WBP11: variants seen among roughly 807,000 people sequenced by gnomAD.
WBP11 encodes WW domain binding protein 11, also known as WW domain-binding protein 11.
WBP11 carries 12 observed loss-of-function variants against 66.7 expected under a neutral mutation model. The ratio of observed to expected loss-of-function variants is 0.18; its 90% CI spans 0.12 to 0.29. The LOEUF (loss-of-function observed/expected upper bound fraction) is 0.29, where lower values mean the gene tolerates loss of function less well. Ranked by LOEUF, WBP11 falls within the 10% of genes least tolerant of loss-of-function variation. The pLI, the probability that WBP11 is intolerant of heterozygous loss-of-function variation, is 1.00. For synonymous variants in WBP11, 255 were observed against 273.8 expected (o/e 0.93, Z 0.68); for missense variants, 555 against 818.3 (o/e 0.68, Z 3.93).
At chr12:14,787,583 A>G (rs1034812486) in intron 11 of WBP11, 85 bp from the exon 12 acceptor site, 2 of 1,226,666 alleles carry the variant, frequency 1.6e-6, no homozygotes, top group Admixed American at 6.5e-5. Flanking sequence ...ATTGGTTGCC[A>G]ATTTTTAAAT....
intron 6 of WBP11, 102 bp from the exon 7 acceptor site, chr12:14,794,838 AT>A: frequency 6.5e-7 from 1 of 1,548,264 alleles, no homozygotes; most frequent in Non-Finnish European, 8.7e-7. Flanking sequence ...GGGATTTCTT[AT>A]TTTACATTTA....
Position 14,787,377 on chromosome 12 carries a change from G to A in WBP11, c.1614C>T (p.Pro538=). 1.2e-6 allele frequency: 2 copies of A among 1,602,172 alleles called. No individual in the cohort carries two copies. The highest frequency in any genetic ancestry group is 1.7e-6 in the Non-Finnish European group (2 of 1,171,920). ...CCGCCTTGGGTCGCTGAATCAAGTT[G>A]GGTGGGGCACTTAAAACCCCAGGGT... The part of the protein sequence containing the change: ...LPNPGVLSAP[P]NLIQRPKADD... Residue 538 remains proline (P), a synonymous_variant, in exon 12 of 12, where the codon CCC becomes CCT. Coordinates refer to ENST00000261167, the MANE Select transcript of WBP11 (RefSeq NM_016312.3).
At position 14,787,212 on chromosome 12, in the gene WBP11, A is replaced by G; in HGVS notation, c.1779T>C (p.Thr593=). 6.2e-7 allele frequency: 1 copy of G among 1,614,166 alleles called. No individual in the cohort carries two copies. Among genetic ancestry groups the G allele is most frequent in the Non-Finnish European group, 8.5e-7 (1 of 1,180,038 alleles). Residue 593 remains threonine (T), a synonymous_variant, in exon 12 of 12, where the codon ACT becomes ACC. Coordinates refer to ENST00000261167, the MANE Select transcript of WBP11 (RefSeq NM_016312.3). ...CCTCTGACTTTCTTTGGGGAGCAGC[A>G]GTAGCCCCTTTATTCTCCCGACGTA... ...LRVRRENKGA[T]AAPQRKSEDD...
chr12:14,792,892 CAA>C (rs1273145309), intron 8 of WBP11, among the ~76,000 whole-genome samples: 1 of 150,890 alleles, frequency 6.6e-6, no homozygotes, highest in Admixed American at 6.6e-5. Context: ...GAAAAGAAGG[CAA>C]GAGACCACAC....
chr12:14,793,339 G>A (rs2137234055), intron 8 of WBP11, among the ~76,000 whole-genome samples: 1 of 152,236 alleles, frequency 6.6e-6, no homozygotes, highest in South Asian at 2.1e-4. Flanking sequence ...CCTGGTTCAT[G>A]TAAGATACCA....
At chr12:14,788,611 T>C (rs1016900332) in intron 11 of WBP11, among the ~76,000 whole-genome samples, 1 of 152,128 alleles carries the variant, frequency 6.6e-6, no homozygotes, top group African/African-American at 2.4e-5. Context: ...TGTCTAACCT[T>C]GACATTAGGT....
chr12:14,794,081 A>G (rs914569622), intron 7 of WBP11, among the ~76,000 whole-genome samples, 159 bp from the exon 8 acceptor site: 2 of 151,454 alleles, frequency 1.3e-5, no homozygotes, highest in Admixed American at 6.6e-5. Flanking sequence ...AGCTACTCAT[A>G]CAGTCTAACA....
chr12:14,788,807 C>G lies in WBP11; in HGVS notation c.1492+144G>C, dbSNP rs1322061906. On this transcript the variant is annotated intron_variant, in intron 11 of 11. Transcript: ENST00000261167. ...AATACCCACTGGAAGAACTGTACTT[C>G]AAGCCAGGTCAACGGCAACTTAAAA... 14 of 468,158 alleles carry G rather than the reference C, an allele frequency of 3.0e-5. No individual in the cohort carries two copies. In the East Asian group the frequency reaches 5.0e-4, roughly 17 times the overall value. 29.0% of individuals were successfully genotyped at this position (468,158 alleles called of 1,614,324 possible).
chr12:14,803,152 G>A (rs968034188), intron 1 of WBP11, among the ~76,000 whole-genome samples, 200 bp downstream of exon 1: 5 of 152,130 alleles, frequency 3.3e-5, no homozygotes, highest in Admixed American at 6.5e-5. Context: ...GGCCCCAACC[G>A]ACCCGGGCGA....
Position 14,796,930 on chromosome 12 carries a change from G to T in WBP11, c.264C>A (p.Thr88=), listed in dbSNP as rs1287358919. The change falls in exon 5 of 12, where the codon ACC becomes ACA. Residue 88 remains threonine, a synonymous_variant. Coordinates refer to ENST00000261167, the MANE Select transcript of WBP11 (RefSeq NM_016312.3). The surrounding 1 kb of genome is among the most constrained non-coding windows in gnomAD (Gnocchi z 4.5). ...LKDKRKKLRE[T]FERILRLYEK... The stretch of plus-strand genomic sequence containing the variant: ...CATAGAGTCGTAGAATACGTTCAAA[G>T]GTTTCACGCAGCTTTTTACGCTTGT... 1 of 1,611,412 alleles carries T rather than the reference G, an allele frequency of 6.2e-7. No homozygotes were observed. Among genetic ancestry groups the T allele is most frequent in the East Asian group, 2.2e-5 (1 of 44,788 alleles).
intron 1 of WBP11, among the ~76,000 whole-genome samples, chr12:14,802,214 A>G (rs1208007821): frequency 6.6e-6 from 1 of 152,226 alleles, no homozygotes; most frequent in Non-Finnish European, 1.5e-5. Context: ...TTATTAACAC[A>G]GTACCCTATT....
intron 8 of WBP11, 127 bp from the exon 9 acceptor site, chr12:14,791,397 T>G (rs1450322623): frequency 1.6e-6 from 1 of 635,418 alleles, no homozygotes; most frequent in Non-Finnish European, 2.7e-6. Context: ...CAGGATGAGA[T>G]AGCTATACTA....
intron 2 of WBP11, 150 bp downstream of exon 2, chr12:14,801,170 G>T: frequency 1.5e-6 from 1 of 650,032 alleles, no homozygotes. Flanking sequence ...CATATTTAAA[G>T]TCTTAATGTG....
chr12:14,795,041 T>C lies in WBP11; in HGVS notation c.451A>G (p.Ile151Val). 6.2e-7 allele frequency: 1 copy of C among 1,613,004 alleles called. No homozygotes were observed. The highest frequency in any genetic ancestry group is 8.5e-7 in the Non-Finnish European group (1 of 1,179,984). Residue 151 changes from isoleucine (I) to valine (V), a missense_variant, in exon 6 of 12, where the codon ATT (isoleucine) becomes GTT (valine). Physicochemically the swap from Ile to Val is conservative, Grantham distance 29. This residue lies in a region of WBP11 where 220 missense variants were observed against 268.2 expected (regional missense o/e 0.82). Coordinates refer to ENST00000261167, the MANE Select transcript of WBP11 (RefSeq NM_016312.3). ...LPDMPHAPSN[I>V]LIQDIPLPGA... The stretch of plus-strand genomic sequence containing the variant: ...GGAAGTGGAATGTCCTGGATCAAAA[T>C]GTTGGAAGGAGCATGTGGCATATCT...
At chr12:14,787,683 C>T (rs1949769599) in intron 11 of WBP11, among the ~76,000 whole-genome samples, 185 bp from the exon 12 acceptor site, 1 of 152,088 alleles carries the variant, frequency 6.6e-6, no homozygotes, top group African/African-American at 2.4e-5. Flanking sequence ...CAGTATTTAC[C>T]TTCAGCCTAT....
At chr12:14,791,566 A>T (rs1949822503) in intron 8 of WBP11, among the ~76,000 whole-genome samples, 1 of 152,238 alleles carries the variant, frequency 6.6e-6, no homozygotes, top group African/African-American at 2.4e-5. Flanking sequence ...TCAGCCAAAC[A>T]TTAAGTTACA....
Position 14,803,379 on chromosome 12 carries a change from G to C in WBP11, c.-73C>G. Reference sequence around the variant, plus strand: ...TTCTGCTGTGCTCCCAGGACTACGAGAAGCGGGTAGGGGGCGACTCCCGGC... The same window carrying C: ...TTCTGCTGTGCTCCCAGGACTACGACAAGCGGGTAGGGGGCGACTCCCGGC... On this transcript the variant is annotated 5_prime_UTR_variant, in exon 1 of 12. Transcript: ENST00000261167. 5.0e-6 allele frequency: 2 copies of C among 398,698 alleles called. No individual in the cohort carries two copies. The highest frequency in any genetic ancestry group is 8.8e-6 in the Non-Finnish European group (2 of 226,130). 24.7% of individuals were successfully genotyped at this position (398,698 alleles called of 1,614,324 possible).
intron 4 of WBP11, 117 bp downstream of exon 4, chr12:14,799,518 C>G (rs2137241117): frequency 3.1e-6 from 3 of 960,350 alleles, no homozygotes; most frequent in East Asian, 2.9e-5. Flanking sequence ...ACATTAAATC[C>G]AAGCATCAAA....
Position 14,786,937 on chromosome 12 carries a change from A to C in WBP11, c.*128T>G. 2.9e-6 allele frequency: 3 copies of C among 1,026,598 alleles called. No homozygotes were observed. In the East Asian group the frequency reaches 7.9e-5, roughly 27 times the overall value. The allele number at this position is 1,026,598 out of a possible 1,614,324, so 63.6% of individuals were successfully genotyped here. A position where few individuals can be genotyped will look rare whatever the true frequency, so the allele number is the denominator to read the frequency against. ...ATTCTGAACAAGGCTAAATTTTAGGATATTCCTTGAACTGAAATTAGAAAA... is the reference window on the plus strand; with the variant it reads ...ATTCTGAACAAGGCTAAATTTTAGGCTATTCCTTGAACTGAAATTAGAAAA... On this transcript the variant is annotated 3_prime_UTR_variant, in exon 12 of 12. Transcript: ENST00000261167.
Sources: allele counts gnomAD v4.1 joint callset (sites outside exome capture counted in the v4.1 genomes callset), GRCh38; gene constraint gnomAD v4.1.1; regional missense constraint gnomAD v4.1.1; non-coding constraint Gnocchi (gnomAD v3.1); transcripts MANE v1.5; gene names NCBI Gene and HGNC (gene_info 2026-07-23, HGNC 2026-07-21).